Variants in DNAH1 observed in about 807,000 individuals in gnomAD.
The protein encoded by DNAH1 is dynein axonemal heavy chain 1.
Under a neutral mutation model 484.3 loss-of-function variants are expected in DNAH1, and 327 were observed. The ratio of observed to expected loss-of-function variants is 0.68; its 90% CI spans 0.62 to 0.74. The LOEUF (loss-of-function observed/expected upper bound fraction) is 0.74. Ranked by LOEUF, DNAH1 falls within the 30% of genes least tolerant of loss-of-function variation. The pLI is 0.00. For missense variants in DNAH1, 5,052 were observed against 5,546.8 expected (o/e 0.91, Z 2.83); for synonymous variants, 2,192 against 2,191.9 (o/e 1.00, Z 0.00).
At chr3:52,347,018 T>C (rs938554607) in intron 11 of DNAH1, among the ~76,000 whole-genome samples, 2 of 150,204 alleles carry the variant, frequency 1.3e-5, no homozygotes, top group Admixed American at 6.6e-5. Flanking sequence ...ACACTTGCCA[T>C]GAACCAGGCA....
In DNAH1 at chr3:52,395,524, G is replaced by C. The variant is rs574877240; in HGVS notation, c.11128-23G>C. ...TGGGGGGTGGGCAAGCTGGCCCCCT[G>C]CTCAGTGCTCTTGCCCCTGCAGGGC... On this transcript the variant is annotated intron_variant, in intron 69 of 77. Coordinates refer to ENST00000420323, the MANE Select transcript of DNAH1 (RefSeq NM_015512.5). This position sits in a 1 kb window ranked among gnomAD's most constrained non-coding sequence, Gnocchi z 4.4. The C allele has an allele frequency of 2.0e-5, 33 of 1,613,402 alleles. 2 individuals carry two copies. The South Asian group carries it at 3.4e-4, about 17-fold the overall frequency.
In DNAH1 at chr3:52,353,958, TGAG is replaced by T; in HGVS notation, c.3480+331_3480+333del. On this transcript the variant is annotated intron_variant, in intron 20 of 77. Coordinates refer to ENST00000420323, the MANE Select transcript of DNAH1 (RefSeq NM_015512.5). The surrounding 1 kb of genome is among the most constrained non-coding windows in gnomAD (Gnocchi z 5.0). ...TGTAAATCCCAGCACTTTGGGAGGA[TGAG>T]GAGGAAGGATCGCTTGAGCCCAGGA... is the stretch of plus-strand genomic sequence containing the variant. 3.1e-6 allele frequency: 1 copy of T among 324,834 alleles called. No individual in the cohort carries two copies. Among genetic ancestry groups the T allele is most frequent in the Non-Finnish European group, 5.9e-6 (1 of 170,014 alleles). 20.1% of individuals were successfully genotyped at this position (324,834 alleles called of 1,614,324 possible).
At chr3:52,343,207 A>G (rs1341771446) in intron 8 of DNAH1, among the ~76,000 whole-genome samples, 4 of 152,146 alleles carry the variant, frequency 2.6e-5, no homozygotes, top group Non-Finnish European at 1.5e-5. Flanking sequence ...AGTTTTTCAT[A>G]AAGAAACACA....
chr3:52,394,786 C>T, intron 67 of DNAH1, 125 bp downstream of exon 67: 3 of 1,487,898 alleles, frequency 2.0e-6, no homozygotes, highest in East Asian at 2.4e-5. Context: ...GCCACATCTC[C>T]TCTGTGCCTC....
upstream of DNAH1, among the ~76,000 whole-genome samples, chr3:52,316,157 A>G (rs1004287364): frequency 6.6e-6 from 1 of 152,144 alleles, no homozygotes; most frequent in Admixed American, 6.5e-5. Flanking sequence ...TTGCTTGGCA[A>G]CTTTCCAGGA....
Position 52,386,311 on chromosome 3 carries a change from G to T in DNAH1, c.8777G>T (p.Ser2926Ile). The change falls in exon 55 of 78, where the codon AGC becomes ATC. Residue 2926 changes from serine (S) to isoleucine (I), a missense_variant. Ser to Ile is a moderately radical substitution (Grantham distance 142, BLOSUM62 -2). Around this residue, in one of 4 missense-constraint regions of DNAH1, gnomAD observed 2,929 missense variants for 3,409.4 expected, o/e 0.86. Coordinates refer to ENST00000420323, the MANE Select transcript of DNAH1 (RefSeq NM_015512.5). ...CCAGCCCTGGATGCGGCTCTGGCCAGCCTGCGCAACCTCAACAAGAACGAT... is the reference window on the plus strand; with the variant it reads ...CCAGCCCTGGATGCGGCTCTGGCCATCCTGCGCAACCTCAACAAGAACGAT... ...ALPALDAALASLRNLNKNDVT... is the reference protein window; with the variant it reads ...ALPALDAALAILRNLNKNDVT... The T allele has an allele frequency of 6.3e-7, 1 of 1,595,636 alleles. No homozygotes were observed.
intron 8 of DNAH1, among the ~76,000 whole-genome samples, chr3:52,334,410 T>C (rs1701664108): frequency 6.6e-6 from 1 of 152,244 alleles, no homozygotes; most frequent in African/African-American, 2.4e-5. Flanking sequence ...TACTATACAC[T>C]ACTGCGGACT....
chr3:52,388,535 G>A lies in DNAH1; in HGVS notation c.9289G>A (p.Glu3097Lys), dbSNP rs755972890. The change falls in exon 58 of 78, where the codon GAA becomes AAA. Residue 3097 changes from glutamate to lysine, a missense_variant. Glu to Lys is a moderately conservative substitution (Grantham distance 56). Around this residue, in one of 4 missense-constraint regions of DNAH1, gnomAD observed 2,929 missense variants for 3,409.4 expected, o/e 0.86. Transcript: ENST00000420323. ...CGCCACAATGCAGGCTAAGTACCGGGAATGCATTACCAAGAAGGAGGAGCT... is the reference window on the plus strand; with the variant it reads ...CGCCACAATGCAGGCTAAGTACCGGAAATGCATTACCAAGAAGGAGGAGCT... Reference protein sequence around the residue: ...GIATMQAKYRECITKKEELEL... With the variant: ...GIATMQAKYRKCITKKEELEL... 6.2e-7 allele frequency: 1 copy of A among 1,613,094 alleles called. No homozygotes were observed.
rs755497712 is a variant in DNAH1, at chr3:52,345,510, C to T, written c.1460C>T (p.Pro487Leu). 2.1e-5 allele frequency: 33 copies of T among 1,567,432 alleles called. No individual in the cohort carries two copies. The highest frequency in any genetic ancestry group is 2.8e-5 in the Non-Finnish European group (32 of 1,155,530). ...ATCCCTGCAGGGCTGGTGAGTGTCC[C>T]CAAGTACCACTTCTGGGAGCAGAAG... Reference protein sequence around the residue: ...QVPERGLVSVPKYHFWEQKED... With the variant: ...QVPERGLVSVLKYHFWEQKED... Residue 487 changes from proline to leucine, a missense_variant, in exon 10 of 78, where the codon CCC becomes CTC. Physicochemically the swap from Pro to Leu is moderately conservative, Grantham distance 98 (BLOSUM62 -3). Coordinates refer to ENST00000420323, the MANE Select transcript of DNAH1 (RefSeq NM_015512.5).
At chr3:52,383,725 T>C (rs1703967844) in intron 51 of DNAH1, 131 bp downstream of exon 51, 1 of 1,402,328 alleles carries the variant, frequency 7.1e-7, no homozygotes, top group South Asian at 1.5e-5. Flanking sequence ...CTGGCCATCA[T>C]GCCATTGGGC....
At chr3:52,386,374 C>T (rs1156790026) in intron 55 of DNAH1, 29 bp downstream of exon 55, 6 of 1,534,904 alleles carry the variant, frequency 3.9e-6, no homozygotes, top group Non-Finnish European at 4.4e-6. Context: ...CCTGGCATTC[C>T]CTCTCATATG....
intron 8 of DNAH1, among the ~76,000 whole-genome samples, chr3:52,336,812 A>G (rs1701757864): frequency 6.6e-6 from 1 of 152,146 alleles, no homozygotes; most frequent in Non-Finnish European, 1.5e-5. Context: ...TTGTAACAGT[A>G]CTATGGTGTT....
At chr3:52,332,889 T>C (rs1701606763) in intron 8 of DNAH1, among the ~76,000 whole-genome samples, 1 of 152,218 alleles carries the variant, frequency 6.6e-6, no homozygotes, top group African/African-American at 2.4e-5. Flanking sequence ...TATTTTAGTT[T>C]ATTTTTTGAG....
chr3:52,378,797 C>T lies in DNAH1; in HGVS notation c.7377+17C>T, dbSNP rs758941523. The T allele has an allele frequency of 1.9e-6, 3 of 1,613,034 alleles. No homozygotes were observed. Among genetic ancestry groups the T allele is most frequent in the Admixed American group, 3.3e-5 (2 of 60,020 alleles). On this transcript the variant is annotated intron_variant, in intron 47 of 77. Transcript: ENST00000420323. ...AAGGTCGAGGTGAGGACCAGGCAGGCACCCTCCCCAGTGCCCACACTGCTC... is the reference window on the plus strand; with the variant it reads ...AAGGTCGAGGTGAGGACCAGGCAGGTACCCTCCCCAGTGCCCACACTGCTC...
chr3:52,374,769 C>A, intron 44 of DNAH1: 1 of 1,119,124 alleles, frequency 8.9e-7, no homozygotes, highest in Non-Finnish European at 1.4e-6. Context: ...GGAACAAAAG[C>A]TGTTTGATGA....
upstream of DNAH1, among the ~76,000 whole-genome samples, chr3:52,311,443 A>G (rs6445385): frequency 0.15 from 22,993 of 152,212 alleles, 2,359 homozygotes; most frequent in African/African-American, 0.28. Flanking sequence ...ACAGATGGGA[A>G]AATGAGGCCC....
chr3:52,347,592 T>C (rs1702195617), intron 11 of DNAH1, among the ~76,000 whole-genome samples: 2 of 151,996 alleles, frequency 1.3e-5, no homozygotes, highest in African/African-American at 4.8e-5. Context: ...GTGGGGGGCC[T>C]CCCTCTCGTG....
chr3:52,397,672 G>A, intron 73 of DNAH1, 35 bp from the exon 74 acceptor site: 1 of 1,561,474 alleles, frequency 6.4e-7, no homozygotes, highest in South Asian at 1.2e-5. Context: ...GGCAGAGCAA[G>A]CCAGGGGCTT....
intron 61 of DNAH1, 62 bp downstream of exon 61, chr3:52,391,116 A>G: frequency 6.2e-7 from 1 of 1,607,458 alleles, no homozygotes; most frequent in Non-Finnish European, 8.5e-7. Flanking sequence ...GGCAGTGGTG[A>G]GCCGCAGAGC....
Sources: allele counts gnomAD v4.1 joint callset (sites outside exome capture counted in the v4.1 genomes callset), GRCh38; gene constraint gnomAD v4.1.1; regional missense constraint gnomAD v4.1.1; non-coding constraint Gnocchi (gnomAD v3.1); transcripts MANE v1.5; gene names NCBI Gene and HGNC (gene_info 2026-07-23, HGNC 2026-07-21).